SYNPO2: variants seen among roughly 807,000 people sequenced by gnomAD.
SYNPO2 encodes the protein synaptopodin 2, also known as synaptopodin-2.
In SYNPO2, 56 loss-of-function variants were observed where a neutral mutation model predicts 85.0. The ratio of observed to expected loss-of-function variants is 0.66; its 90% CI spans 0.53 to 0.82. The LOEUF is 0.82. Ranked by LOEUF, SYNPO2 falls within the 40% of genes least tolerant of loss-of-function variation. The pLI is 0.00. For synonymous variants in SYNPO2, 602 were observed against 591.1 expected (o/e 1.02, Z -0.27); for missense variants, 1,575 against 1,534.2 (o/e 1.03, Z -0.44).
intron 1 of SYNPO2, among the ~76,000 whole-genome samples, chr4:118,953,215 G>A (rs1734754169): frequency 2.0e-5 from 3 of 152,138 alleles, no homozygotes; most frequent in Non-Finnish European, 4.4e-5. Flanking sequence ...TTATCCAAAC[G>A]ATGTTGAGAG....
intron 1 of SYNPO2, among the ~76,000 whole-genome samples, chr4:118,989,771 GAGTT>G: frequency 6.6e-6 from 1 of 152,322 alleles, no homozygotes; most frequent in East Asian, 1.9e-4. Flanking sequence ...GATGTACTAA[GAGTT>G]AGGGACTTGG....
intron 1 of SYNPO2, among the ~76,000 whole-genome samples, chr4:118,861,636 G>A (rs1296273919): frequency 2.0e-5 from 3 of 152,088 alleles, no homozygotes; most frequent in South Asian, 2.1e-4. Context: ...CACCTTTGTC[G>A]AAAATGAGTT....
intron 1 of SYNPO2, among the ~76,000 whole-genome samples, chr4:119,022,968 G>A (rs1347109000): frequency 6.6e-6 from 1 of 151,624 alleles, no homozygotes; most frequent in Non-Finnish European, 1.5e-5. Flanking sequence ...AGTAGAGACG[G>A]GGTTTCACCA....
chr4:118,859,658 A>G (rs1458582745), intron 1 of SYNPO2, among the ~76,000 whole-genome samples: 1 of 152,138 alleles, frequency 6.6e-6, no homozygotes, highest in African/African-American at 2.4e-5. Flanking sequence ...TCCCACAGAT[A>G]AGTGATAACA....
At chr4:118,976,127 G>A (rs1002325576) in intron 1 of SYNPO2, among the ~76,000 whole-genome samples, 5 of 152,094 alleles carry the variant, frequency 3.3e-5, no homozygotes, top group African/African-American at 9.7e-5. Flanking sequence ...ATGAAGCCGC[G>A]GACTCTCGCG....
intron 1 of SYNPO2, among the ~76,000 whole-genome samples, chr4:118,854,346 C>G (rs1015240206): frequency 6.6e-6 from 1 of 152,152 alleles, no homozygotes; most frequent in Non-Finnish European, 1.5e-5. Flanking sequence ...AAAAGTAAAG[C>G]AATAGCTATC....
intron 4 of SYNPO2, among the ~76,000 whole-genome samples, chr4:119,048,751 G>A (rs1030175337): frequency 1.3e-5 from 2 of 152,190 alleles, no homozygotes; most frequent in African/African-American, 4.8e-5. Flanking sequence ...TTCAAGGCCA[G>A]TGTGGCTGGA....
intron 1 of SYNPO2, among the ~76,000 whole-genome samples, chr4:118,980,507 C>CA (rs80175375): frequency 0.077 from 11,788 of 152,182 alleles, 578 homozygotes; most frequent in East Asian, 0.13. Context: ...TTTCTTTTCC[C>CA]CCCTTCCCCA....
At chr4:119,056,988 AG>A (rs1739227644) in intron 4 of SYNPO2, among the ~76,000 whole-genome samples, 2 of 152,234 alleles carry the variant, frequency 1.3e-5, no homozygotes, top group African/African-American at 4.8e-5. Context: ...GTACCAGCAA[AG>A]CAGGATAGGA....
At chr4:118,934,664 A>G (rs1013719673) in intron 1 of SYNPO2, among the ~76,000 whole-genome samples, 7 of 152,254 alleles carry the variant, frequency 4.6e-5, no homozygotes, top group African/African-American at 1.2e-4. Context: ...TACTGGAGAC[A>G]TAATCAACTC....
intron 4 of SYNPO2, among the ~76,000 whole-genome samples, chr4:119,053,496 T>C (rs1398625271): frequency 6.6e-6 from 1 of 152,254 alleles, no homozygotes; most frequent in Non-Finnish European, 1.5e-5. Context: ...TCTTCTTTCC[T>C]CACTGCTGTT....
intron 1 of SYNPO2, among the ~76,000 whole-genome samples, chr4:118,881,007 A>G (rs923239467): frequency 6.6e-6 from 1 of 151,936 alleles, no homozygotes; most frequent in East Asian, 2.0e-4. Context: ...GTGTTCCTAT[A>G]CGAAGAGGTT....
At chr4:118,976,482 A>G (rs1415365628) in intron 1 of SYNPO2, among the ~76,000 whole-genome samples, 3 of 152,190 alleles carry the variant, frequency 2.0e-5, no homozygotes, top group Non-Finnish European at 2.9e-5. Context: ...CGGGTTGCCA[A>G]TGCTGGCTAG....
intron 4 of SYNPO2, chr4:119,038,059 G>A (rs1407571050): frequency 1.2e-6 from 1 of 836,174 alleles, no homozygotes; most frequent in East Asian, 1.2e-4. Context: ...CAATCACTAA[G>A]CTTATAAGCA....
intron 1 of SYNPO2, among the ~76,000 whole-genome samples, chr4:118,870,664 A>G (rs981104810): frequency 4.6e-5 from 7 of 152,212 alleles, no homozygotes; most frequent in Non-Finnish European, 1.0e-4. Flanking sequence ...ACAGTGTGAA[A>G]GCATTCTTAT....
chr4:118,876,675 T>TCCTTTC (rs1731922088), intron 1 of SYNPO2, among the ~76,000 whole-genome samples: 1 of 6,278 alleles, frequency 1.6e-4, no homozygotes, highest in African/African-American at 6.2e-4. Flanking sequence ...TTCTCTTTCT[T>TCCTTTC]TCTTTCTTTC....
intron 4 of SYNPO2, among the ~76,000 whole-genome samples, chr4:119,040,364 T>C (rs1363839709): frequency 6.6e-6 from 1 of 152,342 alleles, no homozygotes; most frequent in Middle Eastern, 3.4e-3. Flanking sequence ...CCAGGAGTCG[T>C]TGAGAGATCT....
chr4:119,008,499 A>G (rs774485106), intron 1 of SYNPO2, among the ~76,000 whole-genome samples: 9 of 151,968 alleles, frequency 5.9e-5, no homozygotes, highest in Non-Finnish European at 1.3e-4. Flanking sequence ...TATAAGTGAG[A>G]TTAAATAGTA....
intron 1 of SYNPO2, among the ~76,000 whole-genome samples, chr4:118,873,021 C>T (rs1371362067): frequency 6.6e-6 from 1 of 151,952 alleles, no homozygotes; most frequent in Non-Finnish European, 1.5e-5. Context: ...TTTTATGGCT[C>T]AATAGTATTC....
Sources: allele counts gnomAD v4.1 joint callset (sites outside exome capture counted in the v4.1 genomes callset), GRCh38; gene constraint gnomAD v4.1.1; transcripts MANE v1.5; gene names NCBI Gene and HGNC (gene_info 2026-07-23, HGNC 2026-07-21).